Variants in CCDC39 observed in about 807,000 individuals in gnomAD.
The protein encoded by CCDC39 is coiled-coil domain-containing protein 39.
A neutral mutation model predicts 121.0 loss-of-function variants in CCDC39; 113 were observed. That is an observed-to-expected ratio of 0.93 (90% CI 0.80 to 1.09). The LOEUF is 1.09. CCDC39 is among the 50% of genes least tolerant of loss of function. The pLI is 0.00. For missense variants in CCDC39, 1,063 were observed against 1,074.7 expected (o/e 0.99, Z 0.15); for synonymous variants, 349 against 352.2 (o/e 0.99, Z 0.10).
At chr3:180,653,328 T>C (rs1711513641) in intron 7 of CCDC39, among the ~76,000 whole-genome samples, 2 of 152,192 alleles carry the variant, frequency 1.3e-5, no homozygotes, top group African/African-American at 2.4e-5. Flanking sequence ...ACTACCCTAA[T>C]TGATTCCTAT....
rs1478434120 is a variant in CCDC39 at position 180,641,977 on chromosome 3, T to C, written c.1874+16A>G. 1.3e-6 allele frequency: 2 copies of C among 1,553,296 alleles called. No homozygotes were observed. The highest frequency in any genetic ancestry group is 1.7e-6 in the Non-Finnish European group (2 of 1,145,086). On this transcript the variant is annotated intron_variant, in intron 13 of 19. Coordinates refer to ENST00000476379, the MANE Select transcript of CCDC39 (RefSeq NM_181426.2). Reference sequence around the variant, plus strand: ...TGTTTTTTTAATTCCTCAGCAGTTTTAAAACTGAAAATTACCTTATGTTTT... The same window carrying C: ...TGTTTTTTTAATTCCTCAGCAGTTTCAAAACTGAAAATTACCTTATGTTTT...
At chr3:180,644,055 A>G (rs1416483635) in intron 12 of CCDC39, 65 bp downstream of exon 12, 3 of 1,213,698 alleles carry the variant, frequency 2.5e-6, no homozygotes, top group East Asian at 5.3e-5. Context: ...ATATTTTTTC[A>G]TTTGTCTACA....
intron 5 of CCDC39, 21 bp downstream of exon 5, chr3:180,659,655 TA>T: frequency 6.2e-7 from 1 of 1,603,760 alleles, no homozygotes; most frequent in Non-Finnish European, 8.5e-7. Context: ...AATTAAGAAA[TA>T]AAAATCTTCC....
intron 13 of CCDC39, among the ~76,000 whole-genome samples, chr3:180,639,791 G>GA (rs1314834218): frequency 1.3e-5 from 2 of 151,874 alleles, no homozygotes; most frequent in African/African-American, 2.4e-5. Context: ...TAAAATTTTA[G>GA]AAAAAAATTG....
intron 13 of CCDC39, among the ~76,000 whole-genome samples, chr3:180,631,958 C>T (rs1029928135): frequency 1.3e-5 from 2 of 152,172 alleles, no homozygotes; most frequent in Admixed American, 1.3e-4. Flanking sequence ...CTTTATTTCT[C>T]ATGACACAGC....
At chr3:180,617,430 C>T (rs1717288701) in intron 16 of CCDC39, 2 of 676,704 alleles carry the variant, frequency 3.0e-6, no homozygotes, top group Admixed American at 2.1e-5. Flanking sequence ...TCAGGCAGGT[C>T]CTTCAGGAGA....
At chr3:180,638,087 T>A (rs1469592345) in intron 13 of CCDC39, among the ~76,000 whole-genome samples, 1 of 151,936 alleles carries the variant, frequency 6.6e-6, no homozygotes, top group Non-Finnish European at 1.5e-5. Context: ...ATAAAAAAAT[T>A]TTTAAAACTG....
At chr3:180,641,962 A>AT in intron 13 of CCDC39, 31 bp downstream of exon 13, 1 of 1,468,080 alleles carries the variant, frequency 6.8e-7, no homozygotes, top group Non-Finnish European at 9.2e-7. Flanking sequence ...TGTTTTTTTA[A>AT]TTCCTCAGCA....
chr3:180,615,495 G>T (rs1186646485), intron 19 of CCDC39, among the ~76,000 whole-genome samples: 2 of 152,096 alleles, frequency 1.3e-5, no homozygotes, highest in Admixed American at 6.6e-5. Flanking sequence ...GGATAAAGTG[G>T]TGGGGTCATT....
intron 13 of CCDC39, among the ~76,000 whole-genome samples, chr3:180,632,323 T>G (rs1173062096): frequency 2.0e-5 from 3 of 152,204 alleles, no homozygotes; most frequent in African/African-American, 7.2e-5. Flanking sequence ...TTTTAGAACT[T>G]AATACTAGTA....
chr3:180,627,074 A>G (rs1440958251), intron 14 of CCDC39, among the ~76,000 whole-genome samples: 1 of 152,184 alleles, frequency 6.6e-6, no homozygotes, highest in Non-Finnish European at 1.5e-5. Flanking sequence ...GGTGATTTAC[A>G]TGGGTAGGAA....
intron 6 of CCDC39, among the ~76,000 whole-genome samples, chr3:180,655,575 A>G (rs1022980868): frequency 2.6e-5 from 4 of 151,946 alleles, no homozygotes; most frequent in Non-Finnish European, 5.9e-5. Context: ...GTAGAAGAAG[A>G]AAAAAGACGT....
chr3:180,645,561 T>C (rs992471033), intron 11 of CCDC39, among the ~76,000 whole-genome samples: 6 of 152,220 alleles, frequency 3.9e-5, no homozygotes, highest in South Asian at 2.1e-4. Context: ...GAAGAGGAAT[T>C]TTTTGCATAA....
At chr3:180,656,736 G>A (rs943862699) in intron 6 of CCDC39, among the ~76,000 whole-genome samples, 1 of 152,008 alleles carries the variant, frequency 6.6e-6, no homozygotes, top group Non-Finnish European at 1.5e-5. Flanking sequence ...AACCCCCCCT[G>A]ACCAAGATGG....
rs956050118 is a variant in CCDC39, at chr3:180,638,009, G to A, written c.1874+3984C>T. 5.3e-5 allele frequency among the ~76,000 whole-genome samples: 8 copies of A among 152,164 alleles called. No individual in the cohort carries two copies. In the South Asian group the frequency reaches 1.5e-3, roughly 28 times the overall value. On this transcript the variant is annotated intron_variant, in intron 13 of 19. Coordinates refer to ENST00000476379, the MANE Select transcript of CCDC39 (RefSeq NM_181426.2). ...TAGTAGCTGGGTAATGAAATAATCT[G>A]TATAACAAACCCCCATGACACAAGT...
chr3:180,664,627 T>A (rs1711827277), intron 1 of CCDC39, among the ~76,000 whole-genome samples: 1 of 152,138 alleles, frequency 6.6e-6, no homozygotes, highest in Non-Finnish European at 1.5e-5. Context: ...AAAATGCATT[T>A]TTCATACAGC....
In CCDC39 at chr3:180,614,839, A is replaced by C; in HGVS notation, c.*82T>G. 7.6e-7 allele frequency: 1 copy of C among 1,309,936 alleles called. No homozygotes were observed. The highest frequency in any genetic ancestry group is 1.0e-6 in the Non-Finnish European group (1 of 956,088). The allele number at this position is 1,309,936 out of a possible 1,614,324, so 81.1% of individuals were successfully genotyped here. A position where few individuals can be genotyped will look rare whatever the true frequency, so the allele number is the denominator to read the frequency against. On this transcript the variant is annotated 3_prime_UTR_variant, in exon 20 of 20. Transcript: ENST00000476379. ...ACTAAGTTTTTACACTTTCCACTAGATAAAATGTGTTGGGTCGTTTTGTAT... is the reference window on the plus strand; with the variant it reads ...ACTAAGTTTTTACACTTTCCACTAGCTAAAATGTGTTGGGTCGTTTTGTAT...
At chr3:180,677,153 ATAATAATAATAATTTTATATATATAT>A (rs1445314549) in intron 1 of CCDC39, among the ~76,000 whole-genome samples, 154 of 109,188 alleles carry the variant, frequency 1.4e-3, no homozygotes, top group African/African-American at 5.9e-3. Context: ...TATAATAATA[ATAATAATAATAATTTTATATATATAT>A]ATATATATAT....
intron 14 of CCDC39, among the ~76,000 whole-genome samples, chr3:180,626,476 C>T (rs1257805658): frequency 6.6e-6 from 1 of 152,056 alleles, no homozygotes; most frequent in East Asian, 1.9e-4. Flanking sequence ...CAACCTTTCT[C>T]AGGTGGAACA....
Sources: allele counts gnomAD v4.1 joint callset (sites outside exome capture counted in the v4.1 genomes callset), GRCh38; gene constraint gnomAD v4.1.1; transcripts MANE v1.5; gene names NCBI Gene and HGNC (gene_info 2026-07-23, HGNC 2026-07-21).